The following NKAIN2 variants were observed in gnomAD, a reference collection of about 807,000 sequenced individuals.
The protein encoded by NKAIN2 is sodium/potassium transporting ATPase interacting 2, also known as sodium/potassium-transporting ATPase subunit beta-1-interacting protein 2.
In NKAIN2, 14 loss-of-function variants were observed where a neutral mutation model predicts 32.6. The observed-to-expected ratio is 0.43, with a 90% CI of 0.28 to 0.67. NKAIN2 has a LOEUF of 0.67. NKAIN2 is among the 30% of genes least tolerant of loss of function. The pLI, the probability that NKAIN2 is intolerant of heterozygous loss-of-function variation, is 0.17. For missense variants in NKAIN2, 198 were observed against 258.3 expected (o/e 0.77, Z 1.60); for synonymous variants, 80 against 87.2 (o/e 0.92, Z 0.46).
rs182574438 is a variant in NKAIN2 at position 124,819,596 on chromosome 6, G to A, written c.617+1128G>A. 5.9e-5 allele frequency among the ~76,000 whole-genome samples: 9 copies of A among 152,040 alleles called. No homozygotes were observed. In the East Asian group the frequency reaches 1.2e-3, roughly 20 times the overall value. ...GCAAGTATGACCTGTTAAGTTTTTC[G>A]GTCTCTTCCTTATTTCAGAACCTCC... On this transcript the variant is annotated intron_variant, in intron 6 of 6. Coordinates refer to ENST00000368417, the MANE Select transcript of NKAIN2 (RefSeq NM_001040214.3).
chr6:124,004,047 C>T (rs866526271), intron 1 of NKAIN2, among the ~76,000 whole-genome samples: 7 of 152,172 alleles, frequency 4.6e-5, no homozygotes, highest in African/African-American at 1.2e-4. Flanking sequence ...ACTAAAATAT[C>T]GAGCTAATTC....
At chr6:124,611,472 T>C (rs1782686672) in intron 3 of NKAIN2, among the ~76,000 whole-genome samples, 1 of 152,092 alleles carries the variant, frequency 6.6e-6, no homozygotes, top group Admixed American at 6.6e-5. Context: ...CAACCCATCA[T>C]CTAAGTTTTA....
chr6:124,598,213 C>T (rs1394411798), intron 3 of NKAIN2, among the ~76,000 whole-genome samples: 22 of 152,050 alleles, frequency 1.4e-4, no homozygotes. Flanking sequence ...GATTAGAATG[C>T]CTCTATGTTT....
At chr6:124,182,930 C>T (rs1367407957) in intron 1 of NKAIN2, among the ~76,000 whole-genome samples, 2 of 152,032 alleles carry the variant, frequency 1.3e-5, no homozygotes, top group South Asian at 2.1e-4. Flanking sequence ...AGATTTTGTG[C>T]CATGTATTAG....
At chr6:124,048,702 A>G (rs188329656) in intron 1 of NKAIN2, among the ~76,000 whole-genome samples, 95 of 152,170 alleles carry the variant, frequency 6.2e-4, no homozygotes, top group Admixed American at 1.2e-3. Context: ...ATGTTTATCA[A>G]TTGATTGAAA....
chr6:124,451,250 G>T (rs1168256761), intron 3 of NKAIN2, among the ~76,000 whole-genome samples: 1 of 152,022 alleles, frequency 6.6e-6, no homozygotes, highest in African/African-American at 2.4e-5. Flanking sequence ...TGGCAATGTT[G>T]TTTTAATAAC....
Position 124,686,873 on chromosome 6 carries a change from G to A in NKAIN2, c.474+28487G>A, listed in dbSNP as rs566384483. 2.0e-5 allele frequency among the ~76,000 whole-genome samples: 3 copies of A among 152,152 alleles called. No individual in the cohort carries two copies. The East Asian group carries it at 5.8e-4, about 30-fold the overall frequency. On this transcript the variant is annotated intron_variant, in intron 4 of 6. Coordinates refer to ENST00000368417, the MANE Select transcript of NKAIN2 (RefSeq NM_001040214.3). Reference sequence around the variant, plus strand: ...CATTTGAGTCAGTGGGCTGGGAAAGGCAGACACACCCTTCATCTGATGGGA... The same window carrying A: ...CATTTGAGTCAGTGGGCTGGGAAAGACAGACACACCCTTCATCTGATGGGA...
rs1195149490 is a variant in NKAIN2, at chr6:124,667,882, T to C, written c.474+9496T>C. On this transcript the variant is annotated intron_variant, in intron 4 of 6. Coordinates refer to ENST00000368417, the MANE Select transcript of NKAIN2 (RefSeq NM_001040214.3). ...AGTAAAAAAAGAGCCATTGGTGACA[T>C]TCCTTCTGTACCTTTTGCTTTTACC... Among the ~76,000 whole-genome samples the C allele has an allele frequency of 2.0e-5, 3 of 152,158 alleles. No individual in the cohort carries two copies. In the East Asian group the frequency reaches 5.8e-4, roughly 29 times the overall value.
At chr6:124,656,981 G>C (rs1252146655) in intron 3 of NKAIN2, among the ~76,000 whole-genome samples, 1 of 152,026 alleles carries the variant, frequency 6.6e-6, no homozygotes, top group Non-Finnish European at 1.5e-5. Flanking sequence ...CAACAGGCTT[G>C]CAAAAAAAAG....
chr6:124,110,512 A>C (rs1785334058), intron 1 of NKAIN2, among the ~76,000 whole-genome samples: 1 of 152,136 alleles, frequency 6.6e-6, no homozygotes, highest in East Asian at 1.9e-4. Flanking sequence ...TGATGAGCAT[A>C]ATAACCAGTA....
intron 3 of NKAIN2, among the ~76,000 whole-genome samples, chr6:124,569,712 C>T (rs1158673382): frequency 6.6e-6 from 1 of 152,156 alleles, no homozygotes; most frequent in African/African-American, 2.4e-5. Flanking sequence ...ACTGTGAGTC[C>T]AATTAAATCT....
At chr6:124,743,853 A>C (rs535599852) in intron 4 of NKAIN2, among the ~76,000 whole-genome samples, 26 of 151,956 alleles carry the variant, frequency 1.7e-4, no homozygotes, top group Non-Finnish European at 3.4e-4. Flanking sequence ...CGGGGTCAAG[A>C]GATTCACTAA....
At chr6:124,424,260 T>A (rs1325440944) in intron 3 of NKAIN2, among the ~76,000 whole-genome samples, 1 of 152,088 alleles carries the variant, frequency 6.6e-6, no homozygotes, top group African/African-American at 2.4e-5. Context: ...CCAAAGTGCT[T>A]AATTTAACTT....
At chr6:124,542,024 G>C (rs929008389) in intron 3 of NKAIN2, among the ~76,000 whole-genome samples, 2 of 151,952 alleles carry the variant, frequency 1.3e-5, no homozygotes, top group East Asian at 3.9e-4. Context: ...CTTATCTTCT[G>C]GATGTAAGAA....
intron 3 of NKAIN2, among the ~76,000 whole-genome samples, chr6:124,623,598 A>G (rs1783192285): frequency 6.6e-6 from 1 of 152,208 alleles, no homozygotes; most frequent in Non-Finnish European, 1.5e-5. Flanking sequence ...TTAAAACTCT[A>G]AATTCAAGTG....
intron 1 of NKAIN2, among the ~76,000 whole-genome samples, chr6:123,833,314 A>G (rs74523172): frequency 0.011 from 1,607 of 152,270 alleles, 29 homozygotes; most frequent in African/African-American, 0.037. Flanking sequence ...TTCTTTAGGC[A>G]ATACCATATT....
At chr6:124,270,058 G>A (rs1033730549) in intron 1 of NKAIN2, among the ~76,000 whole-genome samples, 2 of 152,116 alleles carry the variant, frequency 1.3e-5, no homozygotes, top group South Asian at 2.1e-4. Context: ...AGAGCAGATG[G>A]GAGGGAAGGG....
intron 1 of NKAIN2, among the ~76,000 whole-genome samples, chr6:123,836,716 T>C (rs182320498): frequency 3.9e-5 from 6 of 152,270 alleles, no homozygotes; most frequent in East Asian, 3.9e-4. Context: ...CATTGTAATG[T>C]ACTAATGTTA....
At chr6:124,346,190 T>G (rs1798414045) in intron 2 of NKAIN2, among the ~76,000 whole-genome samples, 1 of 152,226 alleles carries the variant, frequency 6.6e-6, no homozygotes, top group African/African-American at 2.4e-5. Flanking sequence ...TGCACTGTGG[T>G]TTGAGAGACA....
Sources: allele counts gnomAD v4.1 joint callset (sites outside exome capture counted in the v4.1 genomes callset), GRCh38; gene constraint gnomAD v4.1.1; transcripts MANE v1.5; gene names NCBI Gene and HGNC (gene_info 2026-07-23, HGNC 2026-07-21).